The following UNC5D variants were observed in gnomAD, a reference collection of about 807,000 sequenced individuals.
The protein encoded by UNC5D is unc-5 netrin receptor D, also known as netrin receptor UNC5D.
Under a neutral mutation model 105.4 loss-of-function variants are expected in UNC5D, and 39 were observed. The observed-to-expected ratio is 0.37, with a 90% CI of 0.29 to 0.48. The LOEUF is 0.48. Among genes scored for constraint, UNC5D ranks in the 20% least tolerant of loss-of-function variants. The probability of loss-of-function intolerance (pLI) is 0.98; values close to 1 mark genes in which losing one functional copy is unlikely to be tolerated. For missense variants in UNC5D, 991 were observed against 1,202.4 expected, an observed-to-expected ratio of 0.82 and a Z score of 2.60; for synonymous variants, 452 against 450.4, an observed-to-expected ratio of 1.00 and a Z score of -0.04.
chr8:35,253,633 T>A (rs1803872168), intron 1 of UNC5D, among the ~76,000 whole-genome samples: 1 of 151,786 alleles, frequency 6.6e-6, no homozygotes, highest in Non-Finnish European at 1.5e-5. Context: ...ACTACAGGCA[T>A]GTGCCACCAC....
intron 1 of UNC5D, among the ~76,000 whole-genome samples, chr8:35,437,247 T>G (rs2128980424): frequency 6.6e-6 from 1 of 152,228 alleles, no homozygotes; most frequent in African/African-American, 2.4e-5. Context: ...TATCTATAGG[T>G]GTTTTCCTGA....
chr8:35,387,722 G>C (rs1803498258), intron 1 of UNC5D, among the ~76,000 whole-genome samples: 1 of 152,148 alleles, frequency 6.6e-6, no homozygotes, highest in Non-Finnish European at 1.5e-5. Flanking sequence ...TTAGGAGGGT[G>C]TCATGATCTT....
chr8:35,758,352 C>T (rs1349611154), intron 13 of UNC5D, among the ~76,000 whole-genome samples: 2 of 151,718 alleles, frequency 1.3e-5, no homozygotes, highest in Non-Finnish European at 1.5e-5. Context: ...TTCTAACAGT[C>T]TTTTTTTTAA....
intron 4 of UNC5D, among the ~76,000 whole-genome samples, chr8:35,606,726 G>C (rs956555775): frequency 1.3e-5 from 2 of 152,234 alleles, no homozygotes; most frequent in Non-Finnish European, 2.9e-5. Flanking sequence ...AATAAAGGAT[G>C]TGCAGTCTGG....
intron 4 of UNC5D, among the ~76,000 whole-genome samples, chr8:35,615,102 G>T (rs1820954249): frequency 6.8e-6 from 1 of 146,622 alleles, no homozygotes; most frequent in Non-Finnish European, 1.5e-5. Flanking sequence ...TAGCTGGCAT[G>T]GTGGCGCACA....
At position 35,442,942 on chromosome 8, in the gene UNC5D, C is replaced by T. The variant is rs577734836; in HGVS notation, c.104-106350C>T. On this transcript the variant is annotated intron_variant, in intron 1 of 16. Coordinates refer to ENST00000404895, the MANE Select transcript of UNC5D (RefSeq NM_080872.4). ...CACACACACACACACACACAACACA[C>T]ACACACCACTGTGCTTAAGTATTTG... Among the ~76,000 whole-genome samples the T allele has an allele frequency of 9.9e-5, 15 of 151,084 alleles. No individual in the cohort carries two copies. The East Asian group carries it at 2.9e-3, about 30-fold the overall frequency.
intron 1 of UNC5D, among the ~76,000 whole-genome samples, chr8:35,384,135 G>T (rs569955145): frequency 1.3e-5 from 2 of 151,410 alleles, no homozygotes; most frequent in African/African-American, 4.8e-5. Flanking sequence ...AGAATGGCTG[G>T]TGTGAACCTG....
intron 1 of UNC5D, among the ~76,000 whole-genome samples, chr8:35,276,168 G>A (rs1805765343): frequency 6.6e-6 from 1 of 152,280 alleles, no homozygotes; most frequent in South Asian, 2.1e-4. Flanking sequence ...TGTCAGTAAA[G>A]AGGTTTACAC....
Position 35,716,027 on chromosome 8 carries a change from G to T in UNC5D, c.1118-6183G>T, listed in dbSNP as rs180863563. On this transcript the variant is annotated intron_variant, in intron 8 of 16. Coordinates refer to ENST00000404895, the MANE Select transcript of UNC5D (RefSeq NM_080872.4). ...TTGCAAGGAAAGCCTGGGTGAGGTT[G>T]CATAGCATCAGTTTTTTGATGATGC... Among the ~76,000 whole-genome samples the T allele has an allele frequency of 3.3e-5, 5 of 152,238 alleles. No homozygotes were observed. In the East Asian group the frequency reaches 9.7e-4, roughly 29 times the overall value.
chr8:35,699,132 G>GAATC (rs903213158), intron 7 of UNC5D, among the ~76,000 whole-genome samples: 1 of 152,074 alleles, frequency 6.6e-6, no homozygotes, highest in Non-Finnish European at 1.5e-5. Flanking sequence ...AACACACATG[G>GAATC]AATCAGTAGG....
intron 1 of UNC5D, among the ~76,000 whole-genome samples, chr8:35,277,369 G>C (rs1263590225): frequency 6.6e-6 from 1 of 152,098 alleles, no homozygotes; most frequent in Non-Finnish European, 1.5e-5. Context: ...GTGCATTTTT[G>C]GAGCATTTTC....
chr8:35,621,368 A>G (rs932795758), intron 4 of UNC5D, among the ~76,000 whole-genome samples: 1 of 152,188 alleles, frequency 6.6e-6, no homozygotes, highest in Non-Finnish European at 1.5e-5. Flanking sequence ...AGTACCTAGC[A>G]TGTACTAGGC....
chr8:35,677,245 A>AT (rs1346746637), intron 4 of UNC5D, among the ~76,000 whole-genome samples: 3 of 152,168 alleles, frequency 2.0e-5, no homozygotes, highest in Non-Finnish European at 4.4e-5. Context: ...TTGCACTATC[A>AT]TTTTTTAAAA....
At chr8:35,555,875 GCACACACACACA>G (rs56788274) in intron 2 of UNC5D, among the ~76,000 whole-genome samples, 28,061 of 134,230 alleles carry the variant, frequency 0.21, 4,896 homozygotes, top group African/African-American at 0.44. Flanking sequence ...TAAAAAAACA[GCACACACACACA>G]CACACACACA....
chr8:35,386,703 TGA>T (rs1230660020), intron 1 of UNC5D, among the ~76,000 whole-genome samples: 3 of 152,154 alleles, frequency 2.0e-5, no homozygotes, highest in Admixed American at 2.0e-4. Context: ...AAGAGCATCT[TGA>T]GTTATTTGTT....
intron 1 of UNC5D, among the ~76,000 whole-genome samples, chr8:35,411,023 C>A (rs992480072): frequency 1.7e-4 from 26 of 152,010 alleles, no homozygotes; most frequent in African/African-American, 6.0e-4. Context: ...AATGCTAAGC[C>A]TCCCCTGTTG....
chr8:35,568,224 C>A lies in UNC5D; in HGVS notation c.449C>A (p.Ala150Asp), dbSNP rs746125404. 6.2e-7 allele frequency: 1 copy of A among 1,614,086 alleles called. No individual in the cohort carries two copies. Among genetic ancestry groups the A allele is most frequent in the South Asian group, 1.1e-5 (1 of 91,074 alleles). Residue 150 changes from alanine to aspartate, a missense_variant, in exon 3 of 17, where the codon GCC becomes GAC. Around this residue, in one of 3 missense-constraint regions of UNC5D, gnomAD observed 944 missense variants for 1,131.6 expected, o/e 0.83. Transcript: ENST00000404895. ...SHLGTSKSRK[A>D]SVRIAYLRKN... The stretch of plus-strand genomic sequence containing the variant: ...CTGGGTACCTCCAAGAGCAGGAAGG[C>A]CTCTGTGCGCATAGCCTGTAAGTAC...
At chr8:35,457,301 T>A (rs1808560749) in intron 1 of UNC5D, among the ~76,000 whole-genome samples, 1 of 152,210 alleles carries the variant, frequency 6.6e-6, no homozygotes, top group South Asian at 2.1e-4. Context: ...TGTTTTCAAG[T>A]GTCAGACTAG....
At chr8:35,660,070 G>A (rs1824018026) in intron 4 of UNC5D, among the ~76,000 whole-genome samples, 1 of 152,178 alleles carries the variant, frequency 6.6e-6, no homozygotes, top group Non-Finnish European at 1.5e-5. Context: ...CTATTGGAAA[G>A]TCATTCCTTA....
Sources: allele counts gnomAD v4.1 joint callset (sites outside exome capture counted in the v4.1 genomes callset), GRCh38; gene constraint gnomAD v4.1.1; regional missense constraint gnomAD v4.1.1; transcripts MANE v1.5; gene names NCBI Gene and HGNC (gene_info 2026-07-23, HGNC 2026-07-21).